ATP8B3: variants seen among roughly 807,000 people sequenced by gnomAD.
The protein encoded by ATP8B3 is phospholipid-transporting ATPase IK.
Under a neutral mutation model 140.9 loss-of-function variants are expected in ATP8B3, and 141 were observed. The observed-to-expected ratio is 1.00, with a 90% CI of 0.87 to 1.15. ATP8B3 has a LOEUF of 1.15. ATP8B3 is among the 50% of genes most tolerant of loss of function. The probability of loss-of-function intolerance (pLI) is 0.00; values close to 1 mark genes in which losing one functional copy is unlikely to be tolerated. For missense variants in ATP8B3, 1,874 were observed against 1,740.6 expected, an observed-to-expected ratio of 1.08 and a Z score of -1.36; for synonymous variants, 765 against 714.6, an observed-to-expected ratio of 1.07 and a Z score of -1.13.
At chr19:1,789,224 T>C (rs1169070737) in intron 23 of ATP8B3, 104 bp from the exon 24 acceptor site, 2 of 662,292 alleles carry the variant, frequency 3.0e-6, no homozygotes, top group African/African-American at 5.8e-5. Context: ...CCCCATCTGC[T>C]TCAGGTCCCC....
intron 16 of ATP8B3, 78 bp downstream of exon 16, chr19:1,796,633 G>T: frequency 1.3e-6 from 2 of 1,510,806 alleles, no homozygotes; most frequent in Admixed American, 4.0e-5. Context: ...AGATGGGCCG[G>T]GTGAGCTGCG....
rs755497543 is a variant in ATP8B3, at chr19:1,796,987, G to A, written c.1571C>T (p.Thr524Met). The change falls in exon 15 of 29, where the codon ACG becomes ATG. Residue 524 changes from threonine to methionine, a missense_variant. Around this residue, in one of 3 missense-constraint regions of ATP8B3, gnomAD observed 1,032 missense variants for 963.6 expected, o/e 1.07. Transcript: ENST00000310127. ...GRVYGPDSEATTRPKENPYLW... is the reference protein window; with the variant it reads ...GRVYGPDSEAMTRPKENPYLW... ...AGGCAGGCTCACCTTAGGTCGGGTC[G>A]TGGCCTCTGAATCCGGCCCTGGGGA... 1.1e-5 allele frequency: 17 copies of A among 1,613,034 alleles called. No homozygotes were observed. The highest frequency in any genetic ancestry group is 2.2e-5 in the South Asian group (2 of 91,080).
At chr19:1,799,484 G>A (rs1318488812) in intron 14 of ATP8B3, 4 of 246,140 alleles carry the variant, frequency 1.6e-5, no homozygotes, top group Non-Finnish European at 3.0e-5. Context: ...AAAAAAAGTC[G>A]GCCGGGCGTG....
In ATP8B3 at chr19:1,807,090, A is replaced by G. The variant is rs1463597958; in HGVS notation, c.615+78T>C. On this transcript the variant is annotated intron_variant, in intron 6 of 28. Transcript: ENST00000310127. This position sits in a 1 kb window ranked among gnomAD's most constrained non-coding sequence, Gnocchi z 5.9. ...CTCCAGGAAGCCCAGCCCTCCTCCC[A>G]CTCTCGCCCAGGGATCAAGAGACCC... 17 of 1,310,284 alleles carry G rather than the reference A, an allele frequency of 1.3e-5. No homozygotes were observed. Among genetic ancestry groups the G allele is most frequent in the Non-Finnish European group, 1.6e-5 (15 of 915,598 alleles). The allele number at this position is 1,310,284 out of a possible 1,614,324, so 81.2% of individuals were successfully genotyped here. A position where few individuals can be genotyped will look rare whatever the true frequency, so the allele number is the denominator to read the frequency against.
In ATP8B3 at chr19:1,794,581, G is replaced by A. The variant is rs1040202836; in HGVS notation, c.2055+1294C>T. 2.0e-5 allele frequency among the ~76,000 whole-genome samples: 3 copies of A among 152,142 alleles called. No individual in the cohort carries two copies. Among genetic ancestry groups the A allele is most frequent in the Non-Finnish European group, 4.4e-5 (3 of 68,014 alleles). On this transcript the variant is annotated intron_variant, in intron 18 of 28. Coordinates refer to ENST00000310127, the MANE Select transcript of ATP8B3 (RefSeq NM_138813.4). The surrounding 1 kb of genome is among the most constrained non-coding windows in gnomAD (Gnocchi z 4.8). Reference sequence around the variant, plus strand: ...GGGGAGGCAGCCTGGGGTGATGACAGCCCCATGTTGGCAGGGGGTGGGGCA... The same window carrying A: ...GGGGAGGCAGCCTGGGGTGATGACAACCCCATGTTGGCAGGGGGTGGGGCA...
In ATP8B3 at chr19:1,794,225, G is replaced by C. The variant is rs547485900; in HGVS notation, c.2055+1650C>G. ...TGTTGTTGATGGGGCACGGGTCCAA[G>C]AGCTTGGGCTTGACACAGCAGAGGA... On this transcript the variant is annotated intron_variant, in intron 18 of 28. Coordinates refer to ENST00000310127, the MANE Select transcript of ATP8B3 (RefSeq NM_138813.4). This position sits in a 1 kb window ranked among gnomAD's most constrained non-coding sequence, Gnocchi z 4.8. 9.5e-4 allele frequency among the ~76,000 whole-genome samples: 144 copies of C among 152,282 alleles called. 3 individuals carry two copies. The South Asian group carries it at 0.027, about 29-fold the overall frequency.
rs1298684885 is a variant in ATP8B3, at chr19:1,790,765, C to A, written c.2370G>T (p.Lys790Asn). ...AACTCCCCACTTCTTACCTAATCTC[C>A]TTCTCCTCCAGAATGAGCATATTCT... ...LSENMLILEE[K>N]EISRILETYW... The change falls in exon 21 of 29, where the codon AAG becomes AAT. Residue 790 changes from lysine to asparagine, a missense_variant. Transcript: ENST00000310127. 6.2e-7 allele frequency: 1 copy of A among 1,603,288 alleles called. No homozygotes were observed. The highest frequency in any genetic ancestry group is 8.5e-7 in the Non-Finnish European group (1 of 1,176,004).
chr19:1,806,787 A>G lies in ATP8B3; in HGVS notation c.616-98T>C, dbSNP rs1309400490. ...CAGCCCAGCAGTGCCCGCCCGCAAC[A>G]CGGGGTCCCTGTCCGCTGGCCCCAC... On this transcript the variant is annotated intron_variant, in intron 6 of 28. Transcript: ENST00000310127. This position sits in a 1 kb window ranked among gnomAD's most constrained non-coding sequence, Gnocchi z 5.6. 4.5e-6 allele frequency: 6 copies of G among 1,339,918 alleles called. No individual in the cohort carries two copies. The highest frequency in any genetic ancestry group is 4.0e-5 in the Admixed American group (2 of 49,956). 83.0% of individuals were successfully genotyped at this position (1,339,918 alleles called of 1,614,324 possible).
chr19:1,807,215 C>A lies in ATP8B3; in HGVS notation c.568G>T (p.Val190Phe), dbSNP rs753971555. Residue 190 changes from valine (V) to phenylalanine (F), a missense_variant, in exon 6 of 29, where the codon GTC (valine) becomes TTC (phenylalanine). Physicochemically the swap from Val to Phe is conservative, Grantham distance 50 (BLOSUM62 -1). Around this residue, in one of 3 missense-constraint regions of ATP8B3, gnomAD observed 1,032 missense variants for 963.6 expected, o/e 1.07. Coordinates refer to ENST00000310127, the MANE Select transcript of ATP8B3 (RefSeq NM_138813.4). The surrounding 1 kb of genome is among the most constrained non-coding windows in gnomAD (Gnocchi z 5.9). ...LPWFSLSTPM[V>F]CLLFIRATRD... The stretch of plus-strand genomic sequence containing the variant: ...GTGGCACGGATGAAGAGGAGGCAGA[C>A]CATAGGGGTACTGAGCGAGAACCAG... 61 of 1,612,960 alleles carry A rather than the reference C, an allele frequency of 3.8e-5. 1 individual carries two copies. The South Asian group carries it at 6.7e-4, about 18-fold the overall frequency.
At position 1,796,697 on chromosome 19, in the gene ATP8B3, GT is replaced by G. The variant is rs747245637; in HGVS notation, c.1753+13del. 8 of 1,605,994 alleles carry G rather than the reference GT, an allele frequency of 5.0e-6. No individual in the cohort carries two copies. The African/African-American group carries it at 1.1e-4, about 21-fold the overall frequency. On this transcript the variant is annotated intron_variant, in intron 16 of 28. Transcript: ENST00000310127. ...GCTGAGCGGCCTCAGAGATGGGGAGGTGGGTGGGCGCACCTGGGCGCTCACG... is the reference window on the plus strand; with the variant it reads ...GCTGAGCGGCCTCAGAGATGGGGAGGGGGTGGGCGCACCTGGGCGCTCACG...
chr19:1,787,254 G>A (rs2068335284), intron 24 of ATP8B3, 68 bp from the exon 25 acceptor site: 1 of 1,388,998 alleles, frequency 7.2e-7, no homozygotes, highest in Non-Finnish European at 1.0e-6. Context: ...TGCCAAGCAG[G>A]CACCCAGGGA....
intron 14 of ATP8B3, among the ~76,000 whole-genome samples, chr19:1,798,108 C>T (rs1454339563): frequency 6.6e-6 from 1 of 151,572 alleles, no homozygotes; most frequent in Non-Finnish European, 1.5e-5. Flanking sequence ...GTAGCTGGGA[C>T]TACAGGTGCC....
Position 1,783,066 on chromosome 19 carries a change from C to T in ATP8B3, c.3865G>A (p.Asp1289Asn), listed in dbSNP as rs1376534006. ...TTTGGGCTCGAAGCTGCCTCTTCAT[C>T]AGATGGGTCTAGGGATTCAGATGCT... is the stretch of plus-strand genomic sequence containing the variant. ...DIASESLDPS[D>N]EEAASSPKES... The change falls in exon 29 of 29, where the codon GAT becomes AAT. Residue 1289 changes from aspartate (D) to asparagine (N), a missense_variant. By Grantham distance (23) the Asp-to-Asn change is conservative (BLOSUM62 1). Transcript: ENST00000310127. 1 of 1,612,410 alleles carries T rather than the reference C, an allele frequency of 6.2e-7. No homozygotes were observed. The highest frequency in any genetic ancestry group is 2.2e-5 in the East Asian group (1 of 44,842).
rs542432405 is a variant in ATP8B3, at chr19:1,788,973, C to G, written c.2993G>C (p.Arg998Pro). 1,058 of 1,609,974 alleles carry G rather than the reference C, an allele frequency of 6.6e-4. 14 individuals are homozygous for G. The South Asian group carries it at 0.011, about 17-fold the overall frequency. The change falls in exon 24 of 29, where the codon CGC (arginine) becomes CCC (proline). Residue 998 changes from arginine (R) to proline (P), a missense_variant. Coordinates refer to ENST00000310127, the MANE Select transcript of ATP8B3 (RefSeq NM_138813.4). Reference protein sequence around the residue: ...WSYVRICKFLRYFFYKSMASM... With the variant: ...WSYVRICKFLPYFFYKSMASM... ...GGCCATGCTCTTGTAGAAGAAGTAG[C>G]GCAGGAACTTGCAGATCCGCACGTA...
rs1439786601 is a variant in ATP8B3, at chr19:1,807,648, C to T, written c.517-382G>A. Reference sequence around the variant, plus strand: ...CTCCACCATCCCCTACCCTGGCACCCGGCCAGCGGCCTGCACACAGTAGGT... The same window carrying T: ...CTCCACCATCCCCTACCCTGGCACCTGGCCAGCGGCCTGCACACAGTAGGT... On this transcript the variant is annotated intron_variant, in intron 5 of 28. Transcript: ENST00000310127. This position sits in a 1 kb window ranked among gnomAD's most constrained non-coding sequence, Gnocchi z 5.9. 6.6e-5 allele frequency among the ~76,000 whole-genome samples: 10 copies of T among 152,238 alleles called. No individual in the cohort carries two copies. The East Asian group carries it at 1.4e-3, about 21-fold the overall frequency.
At position 1,806,018 on chromosome 19, in the gene ATP8B3, C is replaced by T. The variant is rs543774352; in HGVS notation, c.751-60G>A. On this transcript the variant is annotated intron_variant, in intron 8 of 28. Transcript: ENST00000310127. This position sits in a 1 kb window ranked among gnomAD's most constrained non-coding sequence, Gnocchi z 5.6. ...GATGCAAGACAAATTGGGGGTGCGG[C>T]AGCCCTCCCCACCCTGGGAGGGGTG... 1.2e-6 allele frequency: 2 copies of T among 1,608,044 alleles called. No homozygotes were observed. Among genetic ancestry groups the T allele is most frequent in the South Asian group, 1.1e-5 (1 of 90,700 alleles).
At chr19:1,784,219 T>A (rs2068235860) in intron 28 of ATP8B3, among the ~76,000 whole-genome samples, 1 of 152,162 alleles carries the variant, frequency 6.6e-6, no homozygotes, top group African/African-American at 2.4e-5. Context: ...CACGGTAGAA[T>A]CTGATGGTGT....
At chr19:1,787,337 G>T (rs950264006) in intron 24 of ATP8B3, among the ~76,000 whole-genome samples, 151 bp from the exon 25 acceptor site, 1 of 152,118 alleles carries the variant, frequency 6.6e-6, no homozygotes, top group Non-Finnish European at 1.5e-5. Flanking sequence ...GGTGAAGTGC[G>T]GCCTGATAAA....
At position 1,800,603 on chromosome 19, in the gene ATP8B3, T is replaced by G. The variant is rs2068817188; in HGVS notation, c.1153-154A>C. Among the ~76,000 whole-genome samples the G allele has an allele frequency of 6.6e-6, 1 of 152,116 alleles. No individual in the cohort carries two copies. The highest frequency in any genetic ancestry group is 1.5e-5 in the Non-Finnish European group (1 of 68,036). ...AGGAGGCTAAGGCAGGCGGATGGCT[T>G]GACGTCAGGAGTTCAAGACCAGCCT... On this transcript the variant is annotated intron_variant, in intron 12 of 28. Transcript: ENST00000310127. This position sits in a 1 kb window ranked among gnomAD's most constrained non-coding sequence, Gnocchi z 4.4.
Sources: allele counts gnomAD v4.1 joint callset (sites outside exome capture counted in the v4.1 genomes callset), GRCh38; gene constraint gnomAD v4.1.1; regional missense constraint gnomAD v4.1.1; non-coding constraint Gnocchi (gnomAD v3.1); transcripts MANE v1.5; gene names NCBI Gene and HGNC (gene_info 2026-07-23, HGNC 2026-07-21).